RAD51B: variants seen among roughly 807,000 people sequenced by gnomAD.
RAD51B encodes the protein RAD51 paralog B.
Under a neutral mutation model 42.2 loss-of-function variants are expected in RAD51B, and 38 were observed. That is an observed-to-expected ratio of 0.90 (90% CI 0.70 to 1.18). The LOEUF (loss-of-function observed/expected upper bound fraction) is 1.18, where lower values mean the gene tolerates loss of function less well. Among genes scored for constraint, RAD51B ranks in the 50% most tolerant of loss-of-function variants. The probability of loss-of-function intolerance (pLI) is 0.00; values close to 1 mark genes in which losing one functional copy is unlikely to be tolerated. For synonymous variants in RAD51B, 154 were observed against 145.2 expected, an observed-to-expected ratio of 1.06 and a Z score of -0.43; for missense variants, 373 against 400.7, an observed-to-expected ratio of 0.93 and a Z score of 0.59.
chr14:68,129,879 A>G (rs993760661), intron 7 of RAD51B, among the ~76,000 whole-genome samples: 1 of 152,252 alleles, frequency 6.6e-6, no homozygotes, highest in African/African-American at 2.4e-5. Context: ...GTTGGGGAAC[A>G]ACATTTTGAG....
At chr14:68,622,840 G>A (rs1206011489) in intron 10 of RAD51B, among the ~76,000 whole-genome samples, 3 of 152,020 alleles carry the variant, frequency 2.0e-5, no homozygotes, top group African/African-American at 7.3e-5. Flanking sequence ...GTCACAGCTG[G>A]GGAAAACGAT....
chr14:68,405,548 A>G (rs898470083), intron 8 of RAD51B, among the ~76,000 whole-genome samples: 14 of 152,168 alleles, frequency 9.2e-5, no homozygotes, highest in Non-Finnish European at 1.8e-4. Context: ...AAAAATACAA[A>G]TGGATATTTT....
chr14:68,041,015 A>G (rs1467893373), intron 7 of RAD51B, among the ~76,000 whole-genome samples: 1 of 152,208 alleles, frequency 6.6e-6, no homozygotes, highest in Non-Finnish European at 1.5e-5. Flanking sequence ...ATGTTGAACT[A>G]TAATTCCCAG....
intron 7 of RAD51B, among the ~76,000 whole-genome samples, chr14:67,927,785 AATGTG>A (rs1566962747): frequency 8.6e-4 from 128 of 148,976 alleles, no homozygotes; most frequent in African/African-American, 3.2e-3. Flanking sequence ...ACACATATAT[AATGTG>A]TGTGTCTTTT....
At chr14:68,015,825 C>T (rs1341652002) in intron 7 of RAD51B, among the ~76,000 whole-genome samples, 3 of 152,124 alleles carry the variant, frequency 2.0e-5, no homozygotes, top group Admixed American at 1.3e-4. Context: ...TTTTTGATAG[C>T]CTTAAACAAT....
At chr14:67,966,212 A>G (rs1366992373) in intron 7 of RAD51B, among the ~76,000 whole-genome samples, 1 of 152,192 alleles carries the variant, frequency 6.6e-6, no homozygotes. Context: ...AGGAACTCAC[A>G]GGACCACGAG....
intron 7 of RAD51B, among the ~76,000 whole-genome samples, chr14:68,059,196 C>T (rs532241725): frequency 2.0e-5 from 3 of 152,090 alleles, no homozygotes; most frequent in Non-Finnish European, 4.4e-5. Flanking sequence ...CTGCCACTGC[C>T]CTAATTCTGG....
intron 8 of RAD51B, among the ~76,000 whole-genome samples, chr14:68,371,237 G>A (rs2083257387): frequency 6.6e-6 from 1 of 151,970 alleles, no homozygotes. Flanking sequence ...TGTCCTAGAG[G>A]GCCGGGTGTG....
chr14:68,399,567 T>C (rs1175742661), intron 8 of RAD51B, among the ~76,000 whole-genome samples: 1 of 152,222 alleles, frequency 6.6e-6, no homozygotes, highest in Non-Finnish European at 1.5e-5. Context: ...CTTTACCTGA[T>C]TTTTAACACT....
At position 68,272,515 on chromosome 14, in the gene RAD51B, G is replaced by T. The variant is rs1050855317; in HGVS notation, c.757-19369G>T. Among the ~76,000 whole-genome samples, 28 of 149,888 alleles carry T rather than the reference G, an allele frequency of 1.9e-4. 1 individual carries two copies. The highest frequency in any genetic ancestry group is 1.3e-3 in the Admixed American group (19 of 15,046). Reference sequence around the variant, plus strand: ...ATCCTATACCTTAGGGCTTTGTGAAGATTAAATGAGATACTACATGTAAAG... The same window carrying T: ...ATCCTATACCTTAGGGCTTTGTGAATATTAAATGAGATACTACATGTAAAG... On this transcript the variant is annotated intron_variant, in intron 7 of 10. Coordinates refer to ENST00000471583, the MANE Select transcript of RAD51B (RefSeq NM_133510.4).
At chr14:67,996,838 A>G (rs1178958686) in intron 7 of RAD51B, among the ~76,000 whole-genome samples, 1 of 152,238 alleles carries the variant, frequency 6.6e-6, no homozygotes, top group East Asian at 1.9e-4. Context: ...GAATATTTCA[A>G]TCAAGAGAAG....
At chr14:68,515,428 TTTC>T (rs200318966) in intron 10 of RAD51B, among the ~76,000 whole-genome samples, 36,357 of 135,520 alleles carry the variant, frequency 0.27, 5,459 homozygotes, top group Non-Finnish European at 0.31. Context: ...CTTTTCTTCC[TTTC>T]TTCTTCTTCT....
At chr14:68,444,338 G>A (rs757099177) in intron 9 of RAD51B, among the ~76,000 whole-genome samples, 68 of 152,196 alleles carry the variant, frequency 4.5e-4, no homozygotes, top group Non-Finnish European at 1.2e-4. Context: ...CATTTCTAGA[G>A]CTCAAATCAT....
At chr14:68,163,116 A>G (rs1326140560) in intron 7 of RAD51B, among the ~76,000 whole-genome samples, 1 of 152,214 alleles carries the variant, frequency 6.6e-6, no homozygotes, top group Non-Finnish European at 1.5e-5. Flanking sequence ...CTGTAGTCAA[A>G]CCACAGATAA....
chr14:68,531,246 A>G (rs1274595370), intron 10 of RAD51B, among the ~76,000 whole-genome samples: 3 of 152,120 alleles, frequency 2.0e-5, no homozygotes, highest in Non-Finnish European at 4.4e-5. Flanking sequence ...ACTAAATAAA[A>G]TGGAAGAAGT....
At chr14:68,341,946 T>G (rs1290093983) in intron 8 of RAD51B, among the ~76,000 whole-genome samples, 10 of 152,202 alleles carry the variant, frequency 6.6e-5, no homozygotes, top group African/African-American at 2.2e-4. Context: ...CAAAAATCTT[T>G]CACTAATGGA....
chr14:68,021,150 C>A (rs2140349965), intron 7 of RAD51B, among the ~76,000 whole-genome samples: 1 of 152,110 alleles, frequency 6.6e-6, no homozygotes, highest in East Asian at 1.9e-4. Flanking sequence ...CAATATAGTA[C>A]CCTTTTGTTT....
At chr14:67,909,954 C>G (rs2043913218) in intron 7 of RAD51B, among the ~76,000 whole-genome samples, 2 of 152,094 alleles carry the variant, frequency 1.3e-5, no homozygotes, top group Non-Finnish European at 2.9e-5. Flanking sequence ...CCACATGTGG[C>G]CAAAAAATAC....
chr14:68,614,600 G>A (rs938878226), downstream of RAD51B, among the ~76,000 whole-genome samples: 6 of 152,102 alleles, frequency 3.9e-5, no homozygotes, highest in African/African-American at 1.2e-4. Flanking sequence ...TCATATAAAT[G>A]GAATTATACA....
Sources: allele counts gnomAD v4.1 joint callset (sites outside exome capture counted in the v4.1 genomes callset), GRCh38; gene constraint gnomAD v4.1.1; transcripts MANE v1.5; gene names NCBI Gene and HGNC (gene_info 2026-07-23, HGNC 2026-07-21).